Variants in DOCK8 observed in about 807,000 individuals in gnomAD.
DOCK8 encodes the protein dedicator of cytokinesis 8, also known as dedicator of cytokinesis protein 8.
In DOCK8, 141 loss-of-function variants were observed where a neutral mutation model predicts 245.6. The observed-to-expected ratio is 0.57, with a 90% CI of 0.50 to 0.66. The LOEUF is 0.66. Ranked by LOEUF, DOCK8 falls within the 30% of genes least tolerant of loss-of-function variation. DOCK8 has a pLI of 0.00. For missense variants in DOCK8, 2,965 were observed against 2,603.4 expected (o/e 1.14, Z -3.02); for synonymous variants, 1,168 against 970.2 (o/e 1.20, Z -3.79).
chr9:286,657 T>A (rs2130296868), intron 3 of DOCK8, 21 bp downstream of exon 3: 1 of 1,611,840 alleles, frequency 6.2e-7, no homozygotes, highest in Non-Finnish European at 8.5e-7. Context: ...TTCTAAAATG[T>A]AGATGTGATT....
chr9:345,481 CAG>C (rs1403598481), intron 14 of DOCK8, among the ~76,000 whole-genome samples: 4 of 152,174 alleles, frequency 2.6e-5, no homozygotes, highest in Non-Finnish European at 5.9e-5. Flanking sequence ...GTTCTAATAG[CAG>C]ATGTTTTCTG....
chr9:400,376 TCACCATCACCATCACCACCACCTC>T (rs2054851177), intron 26 of DOCK8, among the ~76,000 whole-genome samples: 2 of 5,538 alleles, frequency 3.6e-4, no homozygotes, highest in Non-Finnish European at 3.5e-4. Flanking sequence ...ACCACCTCCT[TCACCATCACCATCACCACCACCTC>T]CACCATCACC....
At chr9:343,916 C>T (rs533348940) in intron 14 of DOCK8, among the ~76,000 whole-genome samples, 11 of 152,318 alleles carry the variant, frequency 7.2e-5, no homozygotes, top group African/African-American at 2.6e-4. Flanking sequence ...GTTCTCTACT[C>T]GTTCCTGCAA....
Position 339,240 on chromosome 9 carries a change from A to G in DOCK8, c.1516+141A>G, listed in dbSNP as rs931915882. The G allele has an allele frequency of 2.6e-6, 2 of 778,408 alleles. 1 individual carries two copies. The highest frequency in any genetic ancestry group is 4.4e-6 in the Non-Finnish European group (2 of 456,532). The allele number at this position is 778,408 out of a possible 1,614,324, so 48.2% of individuals were successfully genotyped here. On this transcript the variant is annotated intron_variant, in intron 13 of 47. Transcript: ENST00000432829. ...TTTTGTGTTAGGGGTTAAGAATCTG[A>G]ATTGTTCTATGTCTTTGGCAAACCT... is the stretch of plus-strand genomic sequence containing the variant.
Position 379,925 on chromosome 9 carries a change from G to T in DOCK8, c.2595G>T (p.Val865=). The T allele has an allele frequency of 2.5e-6, 4 of 1,613,868 alleles. No homozygotes were observed. In the South Asian group the frequency reaches 4.4e-5, roughly 18 times the overall value. ...VFRLPEVQRD[V]PKSGAPTALL... ...GCCTGCCAGAGGTGCAAAGGGATGTGCCCAAGTCAGGTAGAGTTGCCCTGA... is the reference window on the plus strand; with the variant it reads ...GCCTGCCAGAGGTGCAAAGGGATGTTCCCAAGTCAGGTAGAGTTGCCCTGA... Residue 865 remains valine, a synonymous_variant, in exon 21 of 48, where the codon GTG becomes GTT. Coordinates refer to ENST00000432829, the MANE Select transcript of DOCK8 (RefSeq NM_203447.4).
intron 2 of DOCK8, among the ~76,000 whole-genome samples, chr9:285,286 C>G (rs931589823): frequency 6.6e-5 from 10 of 152,168 alleles, no homozygotes; most frequent in Admixed American, 5.9e-4. Flanking sequence ...CTTTGTCTCT[C>G]CTCTCCAGCT....
chr9:361,527 C>T (rs1408699056), intron 14 of DOCK8, among the ~76,000 whole-genome samples: 1 of 152,178 alleles, frequency 6.6e-6, no homozygotes, highest in African/African-American at 2.4e-5. Context: ...AGGAGATTGA[C>T]TTGTTCACCT....
rs2057911765 is a variant in DOCK8 at position 464,509 on chromosome 9, T to C, written c.*290T>C. On this transcript the variant is annotated 3_prime_UTR_variant, in exon 48 of 48. Coordinates refer to ENST00000432829, the MANE Select transcript of DOCK8 (RefSeq NM_203447.4). Reference sequence around the variant, plus strand: ...TGTACCAAACAAGGCATAAGCAGCTTCTCCTGCTGACTGGCCAATCACTGC... The same window carrying C: ...TGTACCAAACAAGGCATAAGCAGCTCCTCCTGCTGACTGGCCAATCACTGC... 1 of 491,674 alleles carries C rather than the reference T, an allele frequency of 2.0e-6. No individual in the cohort carries two copies. The highest frequency in any genetic ancestry group is 3.7e-6 in the Non-Finnish European group (1 of 269,426). 30.5% of individuals were successfully genotyped at this position (491,674 alleles called of 1,614,324 possible). A position where few individuals can be genotyped will look rare whatever the true frequency, so the allele number is the denominator to read the frequency against.
chr9:451,030 G>A (rs1385250518), intron 45 of DOCK8, among the ~76,000 whole-genome samples: 1 of 151,960 alleles, frequency 6.6e-6, no homozygotes, highest in African/African-American at 2.4e-5. Context: ...ATAATATTCG[G>A]CGCCAGGCTC....
At chr9:214,098 C>T, upstream of DOCK8, 1 of 200,350 alleles carries the variant, frequency 5.0e-6, no homozygotes, top group South Asian at 7.6e-5. Context: ...ATATATAGCA[C>T]AGGTTAGAGC....
rs527985380 is a variant in DOCK8, at chr9:231,114, A to C, written c.53+16085A>C. On this transcript the variant is annotated intron_variant, in intron 1 of 47. Coordinates refer to ENST00000432829, the MANE Select transcript of DOCK8 (RefSeq NM_203447.4). ...GGAAGGGATCCAGTTTCAGCTTTCTACATATGGCTAGCCAGTTTTCCCAGC... is the reference window on the plus strand; with the variant it reads ...GGAAGGGATCCAGTTTCAGCTTTCTCCATATGGCTAGCCAGTTTTCCCAGC... 6.0e-3 allele frequency among the ~76,000 whole-genome samples: 916 copies of C among 152,200 alleles called. 4 individuals are homozygous for C. The highest frequency in any genetic ancestry group is 0.02 in the African/African-American group (844 of 41,542).
chr9:446,620 G>A lies in DOCK8; in HGVS notation c.5817+14G>A. 6.2e-7 allele frequency: 1 copy of A among 1,613,272 alleles called. No individual in the cohort carries two copies. The highest frequency in any genetic ancestry group is 8.5e-7 in the Non-Finnish European group (1 of 1,179,386). On this transcript the variant is annotated intron_variant, in intron 44 of 47. Transcript: ENST00000432829. ...CAGAAGGAGGAGGTAATGCACCCAA[G>A]GGATTGGCCACCACTGGATGAGTGG...
chr9:426,785 T>G (rs1159774872), intron 33 of DOCK8, 100 bp from the exon 34 acceptor site: 3 of 917,204 alleles, frequency 3.3e-6, no homozygotes, highest in Non-Finnish European at 5.3e-6. Flanking sequence ...CAAGGTTGAC[T>G]ATTTTGGAGA....
rs1367613885 is a variant in DOCK8, at chr9:336,771, A to T, written c.1422+53A>T. On this transcript the variant is annotated intron_variant, in intron 12 of 47. Coordinates refer to ENST00000432829, the MANE Select transcript of DOCK8 (RefSeq NM_203447.4). ...GATTTTTCCCCATACTGGCATGGGC[A>T]CTGGAACCCACAGGAGGAGGATACG... is the stretch of plus-strand genomic sequence containing the variant. 7.5e-6 allele frequency: 12 copies of T among 1,608,554 alleles called. No individual in the cohort carries two copies. The East Asian group carries it at 2.5e-4, about 33-fold the overall frequency.
At chr9:419,196 T>G (rs2056170328) in intron 30 of DOCK8, among the ~76,000 whole-genome samples, 1 of 152,200 alleles carries the variant, frequency 6.6e-6, no homozygotes. Flanking sequence ...TCTTCTCCCG[T>G]GAGAAAGCAG....
At chr9:254,355 C>G (rs2047719902) in intron 1 of DOCK8, among the ~76,000 whole-genome samples, 1 of 152,208 alleles carries the variant, frequency 6.6e-6, no homozygotes, top group Non-Finnish European at 1.5e-5. Context: ...TATCTCGTTA[C>G]TGGCCAGTGT....
At chr9:441,031 G>C (rs889234463) in intron 40 of DOCK8, among the ~76,000 whole-genome samples, 1 of 152,132 alleles carries the variant, frequency 6.6e-6, no homozygotes, top group African/African-American at 2.4e-5. Flanking sequence ...ACTGCACTCA[G>C]CCAGTATTTT....
intron 36 of DOCK8, among the ~76,000 whole-genome samples, chr9:430,785 A>T (rs1367805883): frequency 6.6e-6 from 1 of 152,210 alleles, no homozygotes; most frequent in Admixed American, 6.5e-5. Flanking sequence ...CCTGTTTCTA[A>T]ATTCTGACTA....
At chr9:357,461 CTCTCTT>C (rs1248815993) in intron 14 of DOCK8, among the ~76,000 whole-genome samples, 3 of 152,180 alleles carry the variant, frequency 2.0e-5, no homozygotes, top group Non-Finnish European at 4.4e-5. Flanking sequence ...TTCTCTCTCT[CTCTCTT>C]TCTCTTTCTC....
Sources: allele counts gnomAD v4.1 joint callset (sites outside exome capture counted in the v4.1 genomes callset), GRCh38; gene constraint gnomAD v4.1.1; transcripts MANE v1.5; gene names NCBI Gene and HGNC (gene_info 2026-07-23, HGNC 2026-07-21).